Variants in ANO1 observed in about 807,000 individuals in gnomAD.
ANO1 encodes anoctamin 1.
Under a neutral mutation model 124.0 loss-of-function variants are expected in ANO1, and 59 were observed. That is an observed-to-expected ratio of 0.48 (90% CI 0.39 to 0.59). The LOEUF is 0.59. ANO1 is among the 20% of genes least tolerant of loss of function. The probability of loss-of-function intolerance (pLI) is 0.00; values close to 1 mark genes in which losing one functional copy is unlikely to be tolerated. For missense variants in ANO1, 1,059 were observed against 1,328.0 expected (o/e 0.80, Z 3.15); for synonymous variants, 529 against 532.0 (o/e 0.99, Z 0.08).
At chr11:70,030,063 G>A (rs540866409) in intron 1 of ANO1, among the ~76,000 whole-genome samples, 5 of 152,200 alleles carry the variant, frequency 3.3e-5, no homozygotes, top group Admixed American at 6.5e-5. Flanking sequence ...GGTGGGGAGG[G>A]TACCTTTGCT....
intron 11 of ANO1, among the ~76,000 whole-genome samples, chr11:70,139,108 G>C (rs1277842954): frequency 1.3e-5 from 2 of 152,110 alleles, no homozygotes; most frequent in Non-Finnish European, 2.9e-5. Flanking sequence ...TGCTGCAAAG[G>C]CCTTCTTTTT....
At chr11:70,004,047 C>A (rs1856437454) in intron 1 of ANO1, among the ~76,000 whole-genome samples, 1 of 152,282 alleles carries the variant, frequency 6.6e-6, no homozygotes, top group Non-Finnish European at 1.5e-5. Flanking sequence ...TGCTCCGACC[C>A]TTTGGACCTC....
chr11:70,100,045 C>T (rs1746088526), intron 2 of ANO1, among the ~76,000 whole-genome samples: 1 of 152,176 alleles, frequency 6.6e-6, no homozygotes, highest in South Asian at 2.1e-4. Flanking sequence ...CAGCCCTGGG[C>T]TCCCCTACAA....
intron 14 of ANO1, among the ~76,000 whole-genome samples, chr11:70,153,500 T>C (rs2047682610): frequency 6.6e-6 from 1 of 152,244 alleles, no homozygotes; most frequent in Non-Finnish European, 1.5e-5. Flanking sequence ...CAAAGCTTTT[T>C]CACAGTACAC....
At chr11:70,039,189 A>G (rs999079334) in intron 1 of ANO1, among the ~76,000 whole-genome samples, 2 of 152,228 alleles carry the variant, frequency 1.3e-5, no homozygotes, top group Non-Finnish European at 2.9e-5. Flanking sequence ...AAAGGAGATC[A>G]GAGTGATCGA....
chr11:69,975,693 C>A, the ANO1 span, among the ~76,000 whole-genome samples: 1 of 152,206 alleles, frequency 6.6e-6, no homozygotes, highest in Non-Finnish European at 1.5e-5. Flanking sequence ...CTCCGGGATC[C>A]GCTCTCCAGG....
At chr11:70,050,576 C>A (rs551911739) in intron 1 of ANO1, among the ~76,000 whole-genome samples, 88 of 152,286 alleles carry the variant, frequency 5.8e-4, no homozygotes, top group Non-Finnish European at 9.7e-4. Flanking sequence ...ACTGCTGCAC[C>A]ACTGTTGGGG....
At chr11:70,084,102 A>G (rs1349564616) in intron 1 of ANO1, among the ~76,000 whole-genome samples, 3 of 152,086 alleles carry the variant, frequency 2.0e-5, no homozygotes, top group Admixed American at 6.5e-5. Context: ...GGAAGGCAGT[A>G]TGGGGAGGAG....
intron 12 of ANO1, 111 bp from the exon 13 acceptor site, chr11:70,152,339 A>C (rs1275487417): frequency 1.8e-5 from 15 of 836,672 alleles, no homozygotes; most frequent in Non-Finnish European, 2.4e-5. Flanking sequence ...CATCTCAAAA[A>C]AAAAAAAAAA....
At chr11:70,163,230 C>T (rs79628387) in intron 18 of ANO1, 53 bp from the exon 19 acceptor site, 116 of 1,586,732 alleles carry the variant, frequency 7.3e-5, no homozygotes, top group Non-Finnish European at 9.2e-5. Flanking sequence ...GGTCTCTCCC[C>T]GAGCTGAGCC....
At chr11:70,170,116 AG>A (rs770328036) in intron 21 of ANO1, 3 of 442,652 alleles carry the variant, frequency 6.8e-6, no homozygotes, top group South Asian at 4.7e-5. Context: ...ACCCGGATCC[AG>A]GAGTCCTGAT....
intron 1 of ANO1, among the ~76,000 whole-genome samples, chr11:69,992,395 T>A (rs955285985): frequency 2.6e-5 from 4 of 152,170 alleles, no homozygotes; most frequent in Admixed American, 6.6e-5. Flanking sequence ...AATACTCACG[T>A]TAAGTTATAT....
At chr11:69,988,967 G>A (rs1554997165) in intron 1 of ANO1, among the ~76,000 whole-genome samples, 1 of 146,644 alleles carries the variant, frequency 6.8e-6, no homozygotes, top group Non-Finnish European at 1.5e-5. Context: ...GAAGGAAATA[G>A]ACAGGGAAGG....
chr11:70,029,459 T>G (rs984411202), intron 1 of ANO1, among the ~76,000 whole-genome samples: 7 of 152,306 alleles, frequency 4.6e-5, no homozygotes, highest in Admixed American at 4.6e-4. Flanking sequence ...CCAGCTGAAT[T>G]GACTGGTGCT....
chr11:69,967,811 G>A, the ANO1 span, among the ~76,000 whole-genome samples: 2 of 152,222 alleles, frequency 1.3e-5, no homozygotes, highest in Non-Finnish European at 2.9e-5. Context: ...ACATTGAAAA[G>A]AGGGGCTGAG....
intron 19 of ANO1, among the ~76,000 whole-genome samples, chr11:70,163,873 G>C (rs565208415): frequency 2.0e-5 from 3 of 151,990 alleles, no homozygotes; most frequent in South Asian, 4.2e-4. Context: ...GGAAGATGGA[G>C]GTTGCAGTGA....
chr11:69,995,516 C>A (rs1182896124), intron 1 of ANO1, among the ~76,000 whole-genome samples: 1 of 152,190 alleles, frequency 6.6e-6, no homozygotes, highest in South Asian at 2.1e-4. Context: ...CCTCATGACT[C>A]TTTAGGCTCC....
intron 1 of ANO1, chr11:70,015,558 G>A (rs568390196): frequency 6.6e-6 from 1 of 152,538 alleles, no homozygotes; most frequent in African/African-American, 2.4e-5. Context: ...CTTTCCTTTG[G>A]CCCTGCCTTG....
At chr11:70,082,674 C>T (rs1468853494) in intron 1 of ANO1, among the ~76,000 whole-genome samples, 3 of 152,310 alleles carry the variant, frequency 2.0e-5, no homozygotes, top group South Asian at 2.1e-4. Flanking sequence ...CCCAGGCCTT[C>T]GAATTTGGAA....
Sources: gnomAD v4.1 joint callset for allele counts (sites outside exome capture counted in the v4.1 genomes callset) on GRCh38, gnomAD v4.1.1 for gene constraint, MANE v1.5 for transcripts, NCBI Gene and HGNC (gene_info 2026-07-23, HGNC 2026-07-21) for gene names.